The following DNAAF9 variants were observed in gnomAD, a reference collection of about 807,000 sequenced individuals.
DNAAF9 encodes the protein shulin.
DNAAF9 carries 90 observed loss-of-function variants against 167.0 expected under a neutral mutation model. That is an observed-to-expected ratio of 0.54 (90% CI 0.45 to 0.64). The LOEUF (loss-of-function observed/expected upper bound fraction) is 0.64, where lower values mean the gene tolerates loss of function less well. DNAAF9 is among the 30% of genes least tolerant of loss of function. The probability of loss-of-function intolerance (pLI) is 0.00; values close to 1 mark genes in which losing one functional copy is unlikely to be tolerated. For synonymous variants in DNAAF9, 491 were observed against 508.8 expected (o/e 0.96, Z 0.47); for missense variants, 1,315 against 1,442.2 (o/e 0.91, Z 1.43).
chr20:3,362,047 C>T, intron 6 of DNAAF9: 2 of 1,447,468 alleles, frequency 1.4e-6, no homozygotes, highest in Non-Finnish European at 1.9e-6. Flanking sequence ...GAACTATTAA[C>T]TCCATTCATA....
At chr20:3,362,661 G>A (rs6115861) in intron 6 of DNAAF9, among the ~76,000 whole-genome samples, 6,859 of 152,138 alleles carry the variant, frequency 0.045, 439 homozygotes, top group East Asian at 0.16. Context: ...ACCCGCCCCC[G>A]CTGCTCCAAA....
chr20:3,351,946 A>G (rs2070333763), intron 7 of DNAAF9, among the ~76,000 whole-genome samples: 1 of 152,056 alleles, frequency 6.6e-6, no homozygotes, highest in Admixed American at 6.6e-5. Flanking sequence ...TTTAGTAGAT[A>G]TGGGGTTCCA....
intron 6 of DNAAF9, among the ~76,000 whole-genome samples, chr20:3,369,068 G>A (rs1452925059): frequency 6.6e-6 from 1 of 151,392 alleles, no homozygotes; most frequent in Non-Finnish European, 1.5e-5. Context: ...GGCAGAGGTC[G>A]CAGTGAGCCA....
intron 30 of DNAAF9, 49 bp from the exon 31 acceptor site, chr20:3,264,573 C>CT (rs758855438): frequency 0.15 from 92,010 of 631,530 alleles, 2 homozygotes; most frequent in South Asian, 0.19. Context: ...CTGTCAATCT[C>CT]TTTTTTTTTT....
intron 29 of DNAAF9, among the ~76,000 whole-genome samples, chr20:3,273,575 C>T (rs1437950182): frequency 7.1e-6 from 1 of 141,318 alleles, no homozygotes; most frequent in African/African-American, 2.7e-5. Flanking sequence ...TGCCACACTC[C>T]TTTAAACAGC....
rs1042388422 is a variant in DNAAF9 at position 3,251,429 on chromosome 20, T to A, written c.*1143A>T. On this transcript the variant is annotated 3_prime_UTR_variant, in exon 37 of 37. Transcript: ENST00000252032. Reference sequence around the variant, plus strand: ...CTAAGAGACATCACCTAAATATCAGTGGCTGTGACTCCCCTGTCCCCCACA... The same window carrying A: ...CTAAGAGACATCACCTAAATATCAGAGGCTGTGACTCCCCTGTCCCCCACA... 3 of 152,210 alleles carry A rather than the reference T, an allele frequency of 2.0e-5. No individual in the cohort carries two copies. The highest frequency in any genetic ancestry group is 7.2e-5 in the African/African-American group (3 of 41,440). The allele number at this position is 152,210 out of a possible 1,614,324, so 9.4% of individuals were successfully genotyped here. A position where few individuals can be genotyped will look rare whatever the true frequency, so the allele number is the denominator to read the frequency against.
chr20:3,386,912 T>C (rs1257316497), intron 1 of DNAAF9, among the ~76,000 whole-genome samples: 1 of 152,186 alleles, frequency 6.6e-6, no homozygotes, highest in African/African-American at 2.4e-5. Context: ...CATGAGATAT[T>C]ACTATACCTC....
chr20:3,406,522 C>T (rs1049677051), intron 1 of DNAAF9, among the ~76,000 whole-genome samples: 1 of 152,164 alleles, frequency 6.6e-6, no homozygotes, highest in African/African-American at 2.4e-5. Flanking sequence ...TCATTCCAAC[C>T]TCCACACTGC....
chr20:3,384,204 T>G (rs923501468), intron 1 of DNAAF9: 2 of 152,220 alleles, frequency 1.3e-5, no homozygotes, highest in African/African-American at 4.8e-5. Context: ...CCATGTGATA[T>G]CAAAACTAGA....
chr20:3,389,206 C>T (rs986692923), intron 1 of DNAAF9, among the ~76,000 whole-genome samples: 2 of 152,000 alleles, frequency 1.3e-5, no homozygotes, highest in Admixed American at 6.6e-5. Context: ...AGTGCAGTTG[C>T]TTGATCACGA....
At chr20:3,371,564 C>T (rs923259998) in intron 6 of DNAAF9, among the ~76,000 whole-genome samples, 21 of 151,790 alleles carry the variant, frequency 1.4e-4, no homozygotes, top group Admixed American at 3.3e-4. Context: ...AGGATGGTCT[C>T]GATCTGCTGA....
chr20:3,278,132 C>G (rs2068702937), intron 29 of DNAAF9, among the ~76,000 whole-genome samples: 1 of 152,140 alleles, frequency 6.6e-6, no homozygotes, highest in Admixed American at 6.5e-5. Flanking sequence ...GTGCTGCTTC[C>G]AGGGTTGTCA....
At chr20:3,375,591 G>A (rs941068494) in intron 4 of DNAAF9, among the ~76,000 whole-genome samples, 1 of 152,206 alleles carries the variant, frequency 6.6e-6, no homozygotes, top group Non-Finnish European at 1.5e-5. Flanking sequence ...CAGGCATGGT[G>A]GCTCACGCCT....
intron 25 of DNAAF9, among the ~76,000 whole-genome samples, chr20:3,291,044 C>A (rs897176829): frequency 5.8e-4 from 89 of 152,176 alleles, no homozygotes; most frequent in East Asian, 5.8e-4. Flanking sequence ...CCGCCTTGGC[C>A]TCCCAAAGTG....
intron 1 of DNAAF9, among the ~76,000 whole-genome samples, chr20:3,397,213 C>T (rs1336543216): frequency 2.7e-5 from 4 of 150,128 alleles, no homozygotes; most frequent in South Asian, 2.1e-4. Context: ...CACCACTGCA[C>T]TCCAGCCTGG....
rs1430516745 is a variant in DNAAF9, at chr20:3,259,459, CA to C, written c.3055+20del. 8 of 1,416,060 alleles carry C rather than the reference CA, an allele frequency of 5.6e-6. No individual in the cohort carries two copies. The highest frequency in any genetic ancestry group is 7.7e-6 in the Non-Finnish European group (8 of 1,041,582). The allele number at this position is 1,416,060 out of a possible 1,614,324, so 87.7% of individuals were successfully genotyped here. On this transcript the variant is annotated intron_variant, in intron 33 of 36. Transcript: ENST00000252032. ...CAAGCACTCCATGGTGTAGAGCTCC[CA>C]AATCCCAGCCCCTGGTTACCTGAAA... is the stretch of plus-strand genomic sequence containing the variant.
At chr20:3,270,343 T>C (rs545758152) in intron 30 of DNAAF9, 84 bp downstream of exon 30, 137 of 1,314,116 alleles carry the variant, frequency 1.0e-4, no homozygotes, top group Non-Finnish European at 1.4e-4. Flanking sequence ...AGGTCTTAGA[T>C]ACAGTAGAAA....
chr20:3,351,314 T>C (rs901431510), intron 7 of DNAAF9, among the ~76,000 whole-genome samples: 1 of 152,076 alleles, frequency 6.6e-6, no homozygotes, highest in African/African-American at 2.4e-5. Context: ...AGAAACCCCG[T>C]CTCTACTAAA....
chr20:3,291,837 G>A (rs78733865), intron 25 of DNAAF9, among the ~76,000 whole-genome samples: 6,292 of 152,016 alleles, frequency 0.041, 192 homozygotes, highest in African/African-American at 0.084. Context: ...CCTCTACACC[G>A]TACCCCTTTC....
Sources: gnomAD v4.1 joint callset for allele counts (sites outside exome capture counted in the v4.1 genomes callset) on GRCh38, gnomAD v4.1.1 for gene constraint, MANE v1.5 for transcripts, NCBI Gene and HGNC (gene_info 2026-07-23, HGNC 2026-07-21) for gene names.